Variants in SLC35F3 observed in about 807,000 individuals in gnomAD.
SLC35F3 encodes the protein solute carrier family 35 member F3.
Under a neutral mutation model 49.9 loss-of-function variants are expected in SLC35F3, and 25 were observed. That is an observed-to-expected ratio of 0.50 (90% CI 0.37 to 0.70). SLC35F3 has a LOEUF of 0.70. Ranked by LOEUF, SLC35F3 falls within the 30% of genes least tolerant of loss-of-function variation. SLC35F3 has a pLI of 0.00. For missense variants in SLC35F3, 525 were observed against 639.8 expected (o/e 0.82, Z 1.94); for synonymous variants, 275 against 265.4 (o/e 1.04, Z -0.35).
At chr1:233,905,790 A>G in intron 2 of SLC35F3, 32 bp downstream of exon 2, 1 of 1,566,794 alleles carries the variant, frequency 6.4e-7, no homozygotes, top group Non-Finnish European at 8.7e-7. Context: ...TTTCCCGTTC[A>G]CTGGTCCATC....
chr1:233,933,844 C>CTCCA (rs1218064161), intron 2 of SLC35F3, among the ~76,000 whole-genome samples: 1 of 151,942 alleles, frequency 6.6e-6, no homozygotes, highest in Non-Finnish European at 1.5e-5. Flanking sequence ...CAGAGTGAGA[C>CTCCA]TCCATCTCAA....
At position 233,904,884 on chromosome 1, in the gene SLC35F3, G is replaced by T. The variant is rs964236530; in HGVS notation, c.-194G>T. ...CGGGCTGAACCGCCGCGCCTGCATC[G>T]TGCCGCACGCCGCGGAGGCGCTCGG... On this transcript the variant is annotated 5_prime_UTR_variant, in exon 1 of 8. Transcript: ENST00000366618. The T allele has an allele frequency of 1.8e-5, 7 of 396,002 alleles. No individual in the cohort carries two copies. The highest frequency in any genetic ancestry group is 1.1e-4 in the African/African-American group (5 of 46,504). 24.5% of individuals were successfully genotyped at this position (396,002 alleles called of 1,614,324 possible). A position where few individuals can be genotyped will look rare whatever the true frequency, so the allele number is the denominator to read the frequency against.
chr1:234,125,419 A>G (rs551281378), intron 2 of SLC35F3, among the ~76,000 whole-genome samples: 70 of 152,268 alleles, frequency 4.6e-4, no homozygotes, highest in Admixed American at 1.4e-3. Context: ...TCAATGTCCA[A>G]AGCAAATCAC....
intron 2 of SLC35F3, among the ~76,000 whole-genome samples, chr1:234,177,254 T>C (rs1033986738): frequency 2.6e-5 from 4 of 152,228 alleles, no homozygotes; most frequent in African/African-American, 9.6e-5. Flanking sequence ...TCCCCAGCCA[T>C]GTGGAACTGT....
chr1:234,104,029 G>GA (rs1012593270), intron 2 of SLC35F3, among the ~76,000 whole-genome samples: 2 of 152,322 alleles, frequency 1.3e-5, no homozygotes, highest in African/African-American at 4.8e-5. Context: ...AAAAATGGGT[G>GA]AAAATCAAAA....
At chr1:234,171,859 T>C (rs539278195) in intron 2 of SLC35F3, among the ~76,000 whole-genome samples, 8 of 152,340 alleles carry the variant, frequency 5.3e-5, no homozygotes, top group African/African-American at 1.9e-4. Flanking sequence ...TACCTTGATC[T>C]GATCACTATA....
chr1:234,258,066 G>A (rs1208031566), intron 3 of SLC35F3, among the ~76,000 whole-genome samples: 1 of 152,184 alleles, frequency 6.6e-6, no homozygotes, highest in Non-Finnish European at 1.5e-5. Flanking sequence ...AGTAGAGAAA[G>A]TGTTTAATAA....
intron 2 of SLC35F3, among the ~76,000 whole-genome samples, chr1:234,211,871 G>T (rs1667050290): frequency 6.6e-6 from 1 of 152,146 alleles, no homozygotes; most frequent in African/African-American, 2.4e-5. Context: ...AGGTGCCAGG[G>T]GTAGAATGAT....
intron 2 of SLC35F3, among the ~76,000 whole-genome samples, chr1:233,999,252 A>G (rs1663511038): frequency 6.6e-6 from 1 of 152,176 alleles, no homozygotes; most frequent in South Asian, 2.1e-4. Context: ...TATAAACTCC[A>G]GGATATTTTA....
At chr1:233,940,090 C>G (rs980709231) in intron 2 of SLC35F3, among the ~76,000 whole-genome samples, 28 of 152,264 alleles carry the variant, frequency 1.8e-4, no homozygotes, top group Middle Eastern at 3.4e-3. Flanking sequence ...CACACTCAGT[C>G]ACATACATTC....
At position 234,316,620 on chromosome 1, in the gene SLC35F3, G is replaced by A. The variant is rs762720695; in HGVS notation, c.847G>A (p.Ala283Thr). 8 of 1,609,428 alleles carry A rather than the reference G, an allele frequency of 5.0e-6. No individual in the cohort carries two copies. Among genetic ancestry groups the A allele is most frequent in the South Asian group, 3.3e-5 (3 of 90,910 alleles). The change falls in exon 5 of 8, where the codon GCC becomes ACC. Residue 283 changes from alanine (A) to threonine (T), a missense_variant. Transcript: ENST00000366618. ...MGVRIVAAIL[A>T]IAGIVMMTYA... ...TGTCCAGATTGTGGCCGCCATCCTC[G>A]CCATCGCTGGCATTGTGATGATGAC...
At chr1:234,263,769 T>C (rs1205283101) in intron 3 of SLC35F3, among the ~76,000 whole-genome samples, 3 of 152,144 alleles carry the variant, frequency 2.0e-5, no homozygotes, top group Non-Finnish European at 4.4e-5. Context: ...CTAGGACACT[T>C]GTGCTCAAGG....
At position 234,139,673 on chromosome 1, in the gene SLC35F3, G is replaced by A. The variant is rs941881867; in HGVS notation, c.284-91744G>A. On this transcript the variant is annotated intron_variant, in intron 2 of 7. Coordinates refer to ENST00000366618, the MANE Select transcript of SLC35F3 (RefSeq NM_173508.4). ...TTGTAAAATAAGGGTGACTTGGCCC[G>A]GTGCGGTGTCTCACACCTGTAATCC... 5.9e-5 allele frequency among the ~76,000 whole-genome samples: 9 copies of A among 152,190 alleles called. No individual in the cohort carries two copies. The East Asian group carries it at 7.7e-4, about 13-fold the overall frequency.
At chr1:234,240,375 C>T (rs1171358826) in intron 3 of SLC35F3, among the ~76,000 whole-genome samples, 7 of 151,236 alleles carry the variant, frequency 4.6e-5, no homozygotes, top group African/African-American at 9.7e-5. Flanking sequence ...GAGGCTGAGT[C>T]GGGTGGATCA....
At chr1:234,107,607 G>A (rs908358212) in intron 2 of SLC35F3, among the ~76,000 whole-genome samples, 5 of 150,544 alleles carry the variant, frequency 3.3e-5, no homozygotes, top group African/African-American at 9.8e-5. Context: ...CCCTAAAGCA[G>A]AAAGGACACA....
chr1:234,256,745 T>C (rs1667826941), intron 3 of SLC35F3, among the ~76,000 whole-genome samples: 1 of 152,260 alleles, frequency 6.6e-6, no homozygotes, highest in Admixed American at 6.5e-5. Flanking sequence ...TGAAGCTCAA[T>C]TGTGCATGTG....
At chr1:234,132,087 T>C (rs1176279086) in intron 2 of SLC35F3, among the ~76,000 whole-genome samples, 4 of 152,124 alleles carry the variant, frequency 2.6e-5, no homozygotes, top group African/African-American at 9.7e-5. Context: ...GGAACATCTC[T>C]TAATAGCAAA....
chr1:234,054,629 C>A (rs1304913939), intron 2 of SLC35F3, among the ~76,000 whole-genome samples: 4 of 152,182 alleles, frequency 2.6e-5, no homozygotes, highest in African/African-American at 9.7e-5. Flanking sequence ...TTGTCTGAAG[C>A]CTTCTTCTGT....
chr1:234,256,137 T>C (rs1278871689), intron 3 of SLC35F3, among the ~76,000 whole-genome samples: 1 of 151,778 alleles, frequency 6.6e-6, no homozygotes, highest in East Asian at 1.9e-4. Flanking sequence ...GTCATAAGAG[T>C]GGAAAAAACA....
Sources: allele counts gnomAD v4.1 joint callset (sites outside exome capture counted in the v4.1 genomes callset), GRCh38; gene constraint gnomAD v4.1.1; transcripts MANE v1.5; gene names NCBI Gene and HGNC (gene_info 2026-07-23, HGNC 2026-07-21).